Variants in KCNA6 observed in about 807,000 individuals in gnomAD.
KCNA6 encodes potassium voltage-gated channel subfamily A member 6.
A neutral mutation model predicts 29.5 loss-of-function variants in KCNA6; 17 were observed. The ratio of observed to expected loss-of-function variants is 0.58; its 90% CI spans 0.39 to 0.86. The LOEUF is 0.86. KCNA6 is among the 40% of genes least tolerant of loss of function. The probability of loss-of-function intolerance (pLI) is 0.00; values close to 1 mark genes in which losing one functional copy is unlikely to be tolerated. For synonymous variants in KCNA6, 296 were observed against 304.7 expected (o/e 0.97, Z 0.30); for missense variants, 450 against 703.4 (o/e 0.64, Z 4.07).
At chr12:4,809,348 A>C (rs1001861740) in exon 1 of KCNA6, 3 of 151,870 alleles carry the variant, frequency 2.0e-5, no homozygotes, top group Non-Finnish European at 2.9e-5. Flanking sequence ...CGGAGAGCCG[A>C]GCCGCTGCAG....
the KCNA6 span, among the ~76,000 whole-genome samples, chr12:4,837,800 C>G: frequency 6.6e-6 from 1 of 152,028 alleles, no homozygotes; most frequent in South Asian, 2.1e-4. Context: ...GCTCTCCACA[C>G]ACTCCTCGTT....
the KCNA6 span, among the ~76,000 whole-genome samples, chr12:4,830,542 CAG>C: frequency 0.045 from 6,903 of 152,326 alleles, 343 homozygotes; most frequent in East Asian, 0.22. Context: ...GAAAGAGAAA[CAG>C]AACCCGGTAA....
chr12:4,815,416 G>A (rs567419649), downstream of KCNA6, among the ~76,000 whole-genome samples: 4 of 152,284 alleles, frequency 2.6e-5, no homozygotes, highest in South Asian at 8.3e-4. Flanking sequence ...GAAATTTCCT[G>A]AACCTGCAAG....
chr12:4,833,426 G>A, the KCNA6 span, among the ~76,000 whole-genome samples: 4 of 152,192 alleles, frequency 2.6e-5, no homozygotes, highest in Non-Finnish European at 4.4e-5. Context: ...GCAGCCTGGA[G>A]TATCCCTCTT....
the KCNA6 span, among the ~76,000 whole-genome samples, chr12:4,849,584 G>A: frequency 6.8e-6 from 1 of 147,724 alleles, no homozygotes; most frequent in Non-Finnish European, 1.5e-5. Flanking sequence ...GTCCTTGTGA[G>A]TCTGACGCCA....
chr12:4,821,993 C>G, the KCNA6 span, among the ~76,000 whole-genome samples: 1 of 152,144 alleles, frequency 6.6e-6, no homozygotes, highest in African/African-American at 2.4e-5. Flanking sequence ...ACCACCAGGC[C>G]TGACTAATTT....
At chr12:4,849,301 C>T in the KCNA6 span, among the ~76,000 whole-genome samples, 1 of 151,936 alleles carries the variant, frequency 6.6e-6, no homozygotes, top group Non-Finnish European at 1.5e-5. Flanking sequence ...GTTCAGGCAC[C>T]TGACACAACT....
At position 4,811,914 on chromosome 12, in the gene KCNA6, C is replaced by T. The variant is rs938976919; in HGVS notation, c.*283C>T. ...AATGAGATATACATTTATGTCTGACCTTCCCTCAAGACTGATTTTTCATGT... is the reference window on the plus strand; with the variant it reads ...AATGAGATATACATTTATGTCTGACTTTCCCTCAAGACTGATTTTTCATGT... On this transcript the variant is annotated 3_prime_UTR_variant, in exon 1 of 1. Transcript: ENST00000280684. The surrounding 1 kb of genome is among the most constrained non-coding windows in gnomAD (Gnocchi z 7.1). 2.4e-6 allele frequency: 1 copy of T among 412,222 alleles called. No homozygotes were observed. Among genetic ancestry groups the T allele is most frequent in the Admixed American group, 4.1e-5 (1 of 24,128 alleles). 25.5% of individuals were successfully genotyped at this position (412,222 alleles called of 1,614,324 possible).
the KCNA6 span, among the ~76,000 whole-genome samples, chr12:4,824,026 C>T: frequency 1.3e-5 from 2 of 152,242 alleles, no homozygotes; most frequent in Non-Finnish European, 2.9e-5. Context: ...CAGTGCTGTT[C>T]CCCACTGGTG....
the KCNA6 span, chr12:4,842,578 G>A: frequency 6.6e-6 from 1 of 152,292 alleles, no homozygotes; most frequent in Non-Finnish European, 1.5e-5. Context: ...CATGGTGAAA[G>A]GGTGAATGAG....
chr12:4,833,576 A>AT, the KCNA6 span, among the ~76,000 whole-genome samples: 12 of 152,212 alleles, frequency 7.9e-5, no homozygotes, highest in African/African-American at 2.7e-4. Flanking sequence ...CATTGGAAGC[A>AT]TTTTTTGTAG....
chr12:4,843,530 C>T, the KCNA6 span, among the ~76,000 whole-genome samples: 8 of 152,162 alleles, frequency 5.3e-5, no homozygotes, highest in South Asian at 1.0e-3. Flanking sequence ...GTTTGAAAAG[C>T]GAAACAATAG....
the KCNA6 span, among the ~76,000 whole-genome samples, chr12:4,837,635 A>G: frequency 1.3e-5 from 2 of 152,040 alleles, no homozygotes; most frequent in South Asian, 4.1e-4. Context: ...ATCTGTGCTG[A>G]TTGTTGTGGT....
the KCNA6 span, among the ~76,000 whole-genome samples, chr12:4,847,700 C>G: frequency 6.6e-6 from 1 of 152,030 alleles, no homozygotes; most frequent in Non-Finnish European, 1.5e-5. Context: ...CTCTGAGTTT[C>G]TGTCTTTGGT....
At chr12:4,846,291 T>C in the KCNA6 span, among the ~76,000 whole-genome samples, 1 of 152,194 alleles carries the variant, frequency 6.6e-6, no homozygotes, top group Non-Finnish European at 1.5e-5. Flanking sequence ...TTTTATTTTT[T>C]AAGTCTTAGG....
chr12:4,835,280 A>G, the KCNA6 span, among the ~76,000 whole-genome samples: 22 of 150,214 alleles, frequency 1.5e-4, no homozygotes, highest in East Asian at 5.9e-4. Flanking sequence ...GACTACAGGC[A>G]CCCGCCACTG....
At chr12:4,841,794 A>G in the KCNA6 span, among the ~76,000 whole-genome samples, 11 of 152,294 alleles carry the variant, frequency 7.2e-5, no homozygotes, top group Middle Eastern at 6.8e-3. Context: ...TCAAAGAAAA[A>G]ACATGCGATC....
At chr12:4,850,013 G>A in the KCNA6 span, among the ~76,000 whole-genome samples, 1 of 152,226 alleles carries the variant, frequency 6.6e-6, no homozygotes, top group East Asian at 1.9e-4. This position sits in a 1 kb window ranked among gnomAD's most constrained non-coding sequence, Gnocchi z 5.4. Context: ...GGCAGAGGCG[G>A]ATGTTAAACA....
chr12:4,841,935 T>G, the KCNA6 span, among the ~76,000 whole-genome samples: 1 of 151,942 alleles, frequency 6.6e-6, no homozygotes, highest in Admixed American at 6.6e-5. Context: ...ATATATGTAT[T>G]GAGGTCCTCC....
Sources: gnomAD v4.1 joint callset for allele counts (sites outside exome capture counted in the v4.1 genomes callset) on GRCh38, gnomAD v4.1.1 for gene constraint, Gnocchi (gnomAD v3.1) non-coding constraint, MANE v1.5 for transcripts, NCBI Gene and HGNC (gene_info 2026-07-23, HGNC 2026-07-21) for gene names.